Variants in PTPRK observed in about 807,000 individuals in gnomAD.
PTPRK encodes protein tyrosine phosphatase receptor type K, also known as receptor-type tyrosine-protein phosphatase kappa.
PTPRK carries 75 observed loss-of-function variants against 178.0 expected under a neutral mutation model. The observed-to-expected ratio is 0.42, with a 90% confidence interval of 0.35 to 0.51. PTPRK has a LOEUF of 0.51. PTPRK is among the 20% of genes least tolerant of loss of function. The pLI is 0.02. For missense variants in PTPRK, 1,441 were observed against 1,797.8 expected (o/e 0.80, Z 3.59); for synonymous variants, 637 against 620.6 (o/e 1.03, Z -0.39).
intron 2 of PTPRK, among the ~76,000 whole-genome samples, chr6:128,339,557 T>A (rs534502931): frequency 2.6e-5 from 4 of 152,152 alleles, no homozygotes; most frequent in Non-Finnish European, 4.4e-5. Flanking sequence ...GACAAGCTGC[T>A]ACAACACACA....
chr6:127,986,155 T>C (rs957269859), intron 21 of PTPRK, among the ~76,000 whole-genome samples: 6 of 152,190 alleles, frequency 3.9e-5, no homozygotes, highest in Admixed American at 2.6e-4. Flanking sequence ...AGCTTGTTTC[T>C]TGCTGGGAGT....
At chr6:128,471,604 T>TAAAAAAAAAAAAAAAAAAAAA (rs34372021) in intron 1 of PTPRK, among the ~76,000 whole-genome samples, 2 of 63,598 alleles carry the variant, frequency 3.1e-5, no homozygotes, top group Non-Finnish European at 3.2e-5. Context: ...CAAAACAACC[T>TAAAAAAAAAAAAAAAAAAAAA]AAAAAAAAAA....
chr6:128,194,772 G>C (rs1358872252), intron 6 of PTPRK, among the ~76,000 whole-genome samples: 1 of 152,160 alleles, frequency 6.6e-6, no homozygotes, highest in Non-Finnish European at 1.5e-5. Flanking sequence ...GAAGGGAACT[G>C]TGTTTGTCAA....
intron 13 of PTPRK, among the ~76,000 whole-genome samples, chr6:128,021,420 A>T (rs528513432): frequency 6.6e-6 from 1 of 152,204 alleles, no homozygotes; most frequent in East Asian, 1.9e-4. Flanking sequence ...GTGGATCACG[A>T]GGTCAGGAGA....
At chr6:128,355,321 A>G (rs1833806389) in intron 2 of PTPRK, among the ~76,000 whole-genome samples, 2 of 152,234 alleles carry the variant, frequency 1.3e-5, no homozygotes, top group South Asian at 4.1e-4. Context: ...TATCCATGCT[A>G]TCTAAATTAT....
chr6:128,094,815 A>G (rs1409046695), intron 7 of PTPRK, among the ~76,000 whole-genome samples: 1 of 152,154 alleles, frequency 6.6e-6, no homozygotes, highest in East Asian at 1.9e-4. Flanking sequence ...GAGATAAGAG[A>G]AAGAAAAAGA....
intron 15 of PTPRK, among the ~76,000 whole-genome samples, chr6:128,000,763 G>A (rs996896924): frequency 4.6e-5 from 7 of 152,086 alleles, no homozygotes; most frequent in Non-Finnish European, 1.0e-4. Flanking sequence ...AAAGAGAACA[G>A]ATAACGTCAG....
At chr6:128,282,980 G>C (rs1489448000) in intron 3 of PTPRK, among the ~76,000 whole-genome samples, 2 of 152,162 alleles carry the variant, frequency 1.3e-5, no homozygotes, top group Non-Finnish European at 2.9e-5. Context: ...ATGAATATAT[G>C]AGTCCTATGT....
At chr6:128,066,240 A>T (rs1013070731) in intron 12 of PTPRK, among the ~76,000 whole-genome samples, 2 of 152,204 alleles carry the variant, frequency 1.3e-5, no homozygotes, top group Non-Finnish European at 2.9e-5. Context: ...GTATGGAATG[A>T]TATGTAGGCA....
chr6:128,028,410 A>G (rs1774693193), intron 13 of PTPRK, among the ~76,000 whole-genome samples: 1 of 152,240 alleles, frequency 6.6e-6, no homozygotes, highest in African/African-American at 2.4e-5. Flanking sequence ...TGCCCTCAAG[A>G]TAAAGTGAAT....
rs1284686526 is a variant in PTPRK, at chr6:127,998,628, CTTG to C, written c.2679+89_2679+91del. On this transcript the variant is annotated intron_variant, in intron 16 of 29. Transcript: ENST00000368226. ...AGAGAGCCTATAGAACAATCCCCTCCTTGTTGTGTTAAAGAGAGGGAAAAAAAT... is the reference window on the plus strand; with the variant it reads ...AGAGAGCCTATAGAACAATCCCCTCCTTGTGTTAAAGAGAGGGAAAAAAAT... The C allele has an allele frequency of 4.8e-5, 50 of 1,049,920 alleles. No homozygotes were observed. In the Middle Eastern group the frequency reaches 2.2e-3, roughly 46 times the overall value. 65.0% of individuals were successfully genotyped at this position (1,049,920 alleles called of 1,614,324 possible).
chr6:128,180,235 G>A (rs1321615872), intron 7 of PTPRK, among the ~76,000 whole-genome samples: 1 of 150,906 alleles, frequency 6.6e-6, no homozygotes, highest in Non-Finnish European at 1.5e-5. Context: ...CATTTAATAA[G>A]AGAAAGAGAA....
chr6:128,244,253 G>A (rs893708784), intron 3 of PTPRK, among the ~76,000 whole-genome samples: 3 of 152,178 alleles, frequency 2.0e-5, no homozygotes, highest in Non-Finnish European at 2.9e-5. Flanking sequence ...AGATTTGGAA[G>A]AGAAGATTAT....
At chr6:128,115,017 G>T (rs1420667636) in intron 7 of PTPRK, among the ~76,000 whole-genome samples, 1 of 151,774 alleles carries the variant, frequency 6.6e-6, no homozygotes, top group African/African-American at 2.4e-5. Context: ...GTCCCCCAGG[G>T]TGATATTCCT....
chr6:128,001,688 T>C (rs1777849290), intron 15 of PTPRK, among the ~76,000 whole-genome samples: 1 of 151,948 alleles, frequency 6.6e-6, no homozygotes, highest in Non-Finnish European at 1.5e-5. Flanking sequence ...TGGTAGGAAT[T>C]ATTATACTGT....
At chr6:128,138,820 T>C (rs1013256162) in intron 7 of PTPRK, among the ~76,000 whole-genome samples, 1 of 152,056 alleles carries the variant, frequency 6.6e-6, no homozygotes, top group Non-Finnish European at 1.5e-5. Flanking sequence ...TAAAGAGTCT[T>C]CTATTTGGGA....
chr6:127,981,319 G>A, intron 24 of PTPRK, 30 bp from the exon 25 acceptor site: 1 of 1,582,462 alleles, frequency 6.3e-7, no homozygotes. Flanking sequence ...CAGGTTAAAA[G>A]ACAGTGTGAC....
chr6:128,458,406 T>C (rs1429647544), intron 1 of PTPRK, among the ~76,000 whole-genome samples: 1 of 152,196 alleles, frequency 6.6e-6, no homozygotes, highest in Non-Finnish European at 1.5e-5. Flanking sequence ...TATGCAGTCA[T>C]AAATACAGAA....
intron 2 of PTPRK, among the ~76,000 whole-genome samples, chr6:128,333,520 C>T (rs1307912581): frequency 7.7e-6 from 1 of 129,600 alleles, no homozygotes; most frequent in Non-Finnish European, 1.6e-5. Flanking sequence ...AAATATATAC[C>T]TTAATTTTAG....
Sources: gnomAD v4.1 joint callset for allele counts (sites outside exome capture counted in the v4.1 genomes callset) on GRCh38, gnomAD v4.1.1 for gene constraint, MANE v1.5 for transcripts, NCBI Gene and HGNC (gene_info 2026-07-23, HGNC 2026-07-21) for gene names.